Variants in PYGB observed in about 807,000 individuals in gnomAD.
PYGB encodes the protein glycogen phosphorylase B.
Under a neutral mutation model 94.3 loss-of-function variants are expected in PYGB, and 82 were observed. That is an observed-to-expected ratio of 0.87 (90% CI 0.73 to 1.04). The LOEUF is 1.04. PYGB is among the 50% of genes least tolerant of loss of function. The pLI is 0.00. For synonymous variants in PYGB, 488 were observed against 479.1 expected (o/e 1.02, Z -0.24); for missense variants, 1,132 against 1,158.2 (o/e 0.98, Z 0.33).
chr20:25,251,440 T>C (rs1485386617), intron 1 of PYGB: 2 of 152,252 alleles, frequency 1.3e-5, no homozygotes, highest in African/African-American at 4.8e-5. Context: ...CATTCTGAAA[T>C]GTTAGAGTTA....
chr20:25,296,146 C>A (rs1367338543), intron 19 of PYGB, among the ~76,000 whole-genome samples: 1 of 152,092 alleles, frequency 6.6e-6, no homozygotes, highest in African/African-American at 2.4e-5. Context: ...GAGGCTGGGA[C>A]CTTCTCTCCA....
intron 7 of PYGB, among the ~76,000 whole-genome samples, chr20:25,277,779 C>T (rs1005545768): frequency 6.6e-6 from 1 of 152,246 alleles, no homozygotes; most frequent in Non-Finnish European, 1.5e-5. Context: ...GGCACATGCC[C>T]TTCCCATACT....
chr20:25,295,165 G>A (rs1024070529), intron 18 of PYGB: 2 of 913,624 alleles, frequency 2.2e-6, no homozygotes, highest in Non-Finnish European at 3.6e-6. Flanking sequence ...GGAACTGCAA[G>A]TCAGTATTTC....
chr20:25,289,346 G>A (rs2088445408), intron 15 of PYGB, among the ~76,000 whole-genome samples: 1 of 152,244 alleles, frequency 6.6e-6, no homozygotes, highest in African/African-American at 2.4e-5. Flanking sequence ...AGTTTTAAAT[G>A]TTATTATGAA....
intron 14 of PYGB, among the ~76,000 whole-genome samples, chr20:25,286,264 G>C (rs139672965): frequency 1.3e-5 from 2 of 152,216 alleles, no homozygotes; most frequent in East Asian, 3.8e-4. Flanking sequence ...TGTGGCGTGA[G>C]GTGGCTTTCT....
At chr20:25,281,999 A>T (rs2088371863) in intron 11 of PYGB, 34 bp from the exon 12 acceptor site, 1 of 1,547,626 alleles carries the variant, frequency 6.5e-7, no homozygotes, top group Non-Finnish European at 8.9e-7. Context: ...AGGGCACAGC[A>T]TTTGTGACAG....
At chr20:25,257,352 A>C (rs1263402713) in intron 1 of PYGB, among the ~76,000 whole-genome samples, 1 of 152,226 alleles carries the variant, frequency 6.6e-6, no homozygotes, top group Admixed American at 6.5e-5. Flanking sequence ...TCTGCATGCA[A>C]CCTGGACAAT....
At chr20:25,290,372 G>T (rs1600741671) in intron 15 of PYGB, 109 bp from the exon 16 acceptor site, 2 of 1,415,062 alleles carry the variant, frequency 1.4e-6, no homozygotes, top group Admixed American at 1.8e-5. Context: ...CCGACGGCAG[G>T]TTCCTGTGGC....
At chr20:25,254,172 A>G (rs991251951) in intron 1 of PYGB, among the ~76,000 whole-genome samples, 7 of 152,050 alleles carry the variant, frequency 4.6e-5, no homozygotes, top group African/African-American at 1.7e-4. Flanking sequence ...CTACACACCC[A>G]CAGTAGAGCA....
intron 1 of PYGB, among the ~76,000 whole-genome samples, chr20:25,253,152 G>A (rs1172369182): frequency 6.6e-6 from 1 of 152,260 alleles, no homozygotes; most frequent in Admixed American, 6.5e-5. Context: ...GGAAGGCCTT[G>A]CAGAACAAAC....
At chr20:25,278,674 A>G (rs2088337017) in intron 8 of PYGB, among the ~76,000 whole-genome samples, 1 of 152,222 alleles carries the variant, frequency 6.6e-6, no homozygotes, top group African/African-American at 2.4e-5. Flanking sequence ...AGCAAGGGAC[A>G]TGGTGAAAGG....
intron 2 of PYGB, among the ~76,000 whole-genome samples, chr20:25,266,098 G>A (rs6115118): frequency 0.39 from 59,036 of 151,620 alleles, 12,832 homozygotes; most frequent in East Asian, 0.91. Context: ...TTATCTGCCT[G>A]CCTTGGCCTC....
intron 2 of PYGB, among the ~76,000 whole-genome samples, chr20:25,266,348 C>G (rs1162499099): frequency 6.6e-6 from 1 of 151,766 alleles, no homozygotes; most frequent in Non-Finnish European, 1.5e-5. Context: ...TATCTACATG[C>G]AAATAAATGA....
intron 2 of PYGB, among the ~76,000 whole-genome samples, chr20:25,264,478 T>C (rs1007207113): frequency 3.3e-5 from 5 of 152,236 alleles, no homozygotes; most frequent in Middle Eastern, 3.4e-3. Context: ...AAAGAGGAAG[T>C]CAAATTGTCC....
chr20:25,292,735 C>T lies in PYGB; in HGVS notation c.2177+122C>T, dbSNP rs1316203182. ...GCCACTGTGTGCTAGGGTCAGTGCC[C>T]ACCCAGGGCTGTGTGCCTGCCTGCA... On this transcript the variant is annotated intron_variant, in intron 17 of 19. Coordinates refer to ENST00000216962, the MANE Select transcript of PYGB (RefSeq NM_002862.4). 40 of 1,259,022 alleles carry T rather than the reference C, an allele frequency of 3.2e-5. 1 individual carries two copies. In the East Asian group the frequency reaches 9.7e-4, roughly 30 times the overall value. 78.0% of individuals were successfully genotyped at this position (1,259,022 alleles called of 1,614,324 possible).
At position 25,280,347 on chromosome 20, in the gene PYGB, A is replaced by G. The variant is rs761320427; in HGVS notation, c.1174A>G (p.Met392Val). 5 of 1,614,026 alleles carry G rather than the reference A, an allele frequency of 3.1e-6. No individual in the cohort carries two copies. Among genetic ancestry groups the G allele is most frequent in the Admixed American group, 1.7e-5 (1 of 60,010 alleles). Residue 392 changes from methionine to valine, a missense_variant, in exon 10 of 20, where the codon ATG becomes GTG. Transcript: ENST00000216962. ...GGCCTTGGAGCGCTGGCCCGTGTCCATGTTTGAGAAGCTGCTGCCGCGGCA... is the reference window on the plus strand; with the variant it reads ...GGCCTTGGAGCGCTGGCCCGTGTCCGTGTTTGAGAAGCTGCTGCCGCGGCA... ...PEALERWPVS[M>V]FEKLLPRHLE...
At chr20:25,256,105 C>T (rs186622951) in intron 1 of PYGB, among the ~76,000 whole-genome samples, 30 of 152,150 alleles carry the variant, frequency 2.0e-4, no homozygotes, top group South Asian at 2.1e-4. Context: ...AAGACACTAA[C>T]GTTAAATGAA....
intron 14 of PYGB, 147 bp downstream of exon 14, chr20:25,284,398 A>T: frequency 8.7e-7 from 1 of 1,150,316 alleles, no homozygotes; most frequent in Non-Finnish European, 1.2e-6. Flanking sequence ...CGTTTATTTT[A>T]AGCAAAAGCC....
Position 25,296,665 on chromosome 20 carries a change from G to A in PYGB, c.*143G>A. On this transcript the variant is annotated 3_prime_UTR_variant, in exon 20 of 20. Transcript: ENST00000216962. ...TTCCAGGAGGGGCCATGGGGGTCAG[G>A]GTGGTTTTGAGAGAGCAGGGTAAGG... 8.5e-7 allele frequency: 1 copy of A among 1,177,618 alleles called. No homozygotes were observed. The highest frequency in any genetic ancestry group is 1.6e-5 in the South Asian group (1 of 63,264). 72.9% of individuals were successfully genotyped at this position (1,177,618 alleles called of 1,614,324 possible).
Sources: allele counts gnomAD v4.1 joint callset (sites outside exome capture counted in the v4.1 genomes callset), GRCh38; gene constraint gnomAD v4.1.1; transcripts MANE v1.5; gene names NCBI Gene and HGNC (gene_info 2026-07-23, HGNC 2026-07-21).